The following PHC3 variants were observed in gnomAD, a reference collection of about 807,000 sequenced individuals.
The protein encoded by PHC3 is polyhomeotic-like protein 3.
Under a neutral mutation model 107.4 loss-of-function variants are expected in PHC3, and 13 were observed. That is an observed-to-expected ratio of 0.12 (90% CI 0.08 to 0.19). The LOEUF (loss-of-function observed/expected upper bound fraction) is 0.19. Ranked by LOEUF, PHC3 falls within the 10% of genes least tolerant of loss-of-function variation. The probability of loss-of-function intolerance (pLI) is 1.00; values close to 1 mark genes in which losing one functional copy is unlikely to be tolerated. For synonymous variants in PHC3, 456 were observed against 427.4 expected (o/e 1.07, Z -0.83); for missense variants, 992 against 1,210.9 (o/e 0.82, Z 2.68).
rs1402761850 is a variant in PHC3, at chr3:170,097,683, A to C, written c.2834-299T>G. 6.6e-6 allele frequency among the ~76,000 whole-genome samples: 1 copy of C among 152,220 alleles called. No homozygotes were observed. The highest frequency in any genetic ancestry group is 1.5e-5 in the Non-Finnish European group (1 of 68,038). ...ATATAATACTTCCTTCACAAAAAGG[A>C]CTATGGTGTTACCTCAAAGCATGCC... On this transcript the variant is annotated intron_variant, in intron 14 of 14. Coordinates refer to ENST00000495893, the MANE Select transcript of PHC3 (RefSeq NM_024947.4). This position sits in a 1 kb window ranked among gnomAD's most constrained non-coding sequence, Gnocchi z 4.1.
chr3:170,115,020 T>C (rs1718626584), intron 10 of PHC3, among the ~76,000 whole-genome samples: 1 of 152,000 alleles, frequency 6.6e-6, no homozygotes, highest in Admixed American at 6.6e-5. Context: ...ATTTAAATCA[T>C]TTTCCAAAAA....
intron 3 of PHC3, among the ~76,000 whole-genome samples, 167 bp from the exon 4 acceptor site, chr3:170,171,617 A>G (rs1392273898): frequency 6.6e-6 from 1 of 152,250 alleles, no homozygotes; most frequent in African/African-American, 2.4e-5. Flanking sequence ...GATTTTTTAA[A>G]TAAGGAAAAG....
chr3:170,103,484 C>T (rs1404764813), intron 12 of PHC3, among the ~76,000 whole-genome samples: 1 of 152,164 alleles, frequency 6.6e-6, no homozygotes, highest in African/African-American at 2.4e-5. Context: ...TCATTGCTCT[C>T]ACTATTCAGA....
Position 170,093,725 on chromosome 3 carries a change from CTTGTAT to C in PHC3, c.*3499_*3504del, listed in dbSNP as rs1274905200. 3 of 152,080 alleles carry C rather than the reference CTTGTAT, an allele frequency of 2.0e-5. No homozygotes were observed. The highest frequency in any genetic ancestry group is 4.4e-5 in the Non-Finnish European group (3 of 68,004). 9.4% of individuals were successfully genotyped at this position (152,080 alleles called of 1,614,324 possible). On this transcript the variant is annotated 3_prime_UTR_variant, in exon 15 of 15. Transcript: ENST00000495893. ...TAACACATTTCAATTCAATCTAAGA[CTTGTAT>C]TTGTGAATAGATGTCTCATTATAAT...
chr3:170,151,962 T>A (rs1424772487), intron 4 of PHC3, among the ~76,000 whole-genome samples: 2 of 152,178 alleles, frequency 1.3e-5, no homozygotes, highest in East Asian at 3.8e-4. Context: ...CAACTTCCTA[T>A]GATTTATAGG....
intron 7 of PHC3, among the ~76,000 whole-genome samples, chr3:170,134,729 G>T (rs920341701): frequency 5.9e-5 from 9 of 152,106 alleles, no homozygotes; most frequent in Admixed American, 1.3e-4. Context: ...ATGAAAAGAT[G>T]AATCCAAAAA....
At chr3:170,128,394 G>T (rs1560062592) in intron 8 of PHC3, 2 of 1,334,772 alleles carry the variant, frequency 1.5e-6, no homozygotes, top group African/African-American at 1.5e-5. Context: ...TTCCCTTGGG[G>T]AAAAAAAATC....
At position 170,171,462 on chromosome 3, in the gene PHC3, A is replaced by C. The variant is rs769067013; in HGVS notation, c.337-12T>G. 7 of 1,562,110 alleles carry C rather than the reference A, an allele frequency of 4.5e-6. No homozygotes were observed. The highest frequency in any genetic ancestry group is 6.1e-6 in the Non-Finnish European group (7 of 1,153,610). ...CTGGACAAACTTGCCTAAAATAGTA[A>C]GACTTTTAGAATATGTCGGTAAAAA... On this transcript the variant is annotated splice_polypyrimidine_tract_variant and intron_variant, in intron 3 of 14. Coordinates refer to ENST00000495893, the MANE Select transcript of PHC3 (RefSeq NM_024947.4).
At chr3:170,100,250 T>C (rs1715254412) in intron 14 of PHC3, among the ~76,000 whole-genome samples, 1 of 152,134 alleles carries the variant, frequency 6.6e-6, no homozygotes, top group African/African-American at 2.4e-5. Flanking sequence ...GTTCATCCTA[T>C]GAGAAAAGCT....
chr3:170,159,993 T>C (rs1365990377), intron 4 of PHC3, among the ~76,000 whole-genome samples: 2 of 152,206 alleles, frequency 1.3e-5, no homozygotes, highest in Non-Finnish European at 2.9e-5. Context: ...TAAAAGAAAG[T>C]TATAAGATAC....
In PHC3 at chr3:170,097,249, T is replaced by G; in HGVS notation, c.2969A>C (p.Asn990Thr). ...TTCCTGTTAAGATTCCTTCAGAGAG[T>G]TGATGCGTGCACAGATCTTCAGGGC... ...GPALKICARINSLKES is the reference protein window; with the variant it reads ...GPALKICARITSLKES The change falls in exon 15 of 15, where the codon AAC becomes ACC. Residue 990 changes from asparagine (N) to threonine (T), a missense_variant. This residue lies in a region of PHC3 where 21 missense variants were observed against 52.5 expected (regional missense o/e 0.40). Transcript: ENST00000495893. The surrounding 1 kb of genome is among the most constrained non-coding windows in gnomAD (Gnocchi z 4.1). The G allele has an allele frequency of 6.2e-7, 1 of 1,608,218 alleles. No homozygotes were observed. Among genetic ancestry groups the G allele is most frequent in the Non-Finnish European group, 8.5e-7 (1 of 1,176,180 alleles).
intron 9 of PHC3, among the ~76,000 whole-genome samples, chr3:170,118,029 T>C (rs1358935381): frequency 6.6e-6 from 1 of 151,950 alleles, no homozygotes; most frequent in Non-Finnish European, 1.5e-5. Flanking sequence ...AAAAGCAAAA[T>C]TGTTCCCATG....
chr3:170,139,309 A>G (rs918635561), intron 6 of PHC3, among the ~76,000 whole-genome samples: 1 of 152,196 alleles, frequency 6.6e-6, no homozygotes, highest in African/African-American at 2.4e-5. Flanking sequence ...TCGTGTTCTT[A>G]GGCTAACATT....
intron 2 of PHC3, among the ~76,000 whole-genome samples, chr3:170,173,193 CA>C (rs571535390): frequency 6.4e-4 from 75 of 117,692 alleles, no homozygotes; most frequent in Non-Finnish European, 7.6e-4. Flanking sequence ...ACTCCCATCT[CA>C]AAAAAAAAAA....
intron 4 of PHC3, among the ~76,000 whole-genome samples, chr3:170,154,141 T>C (rs904356942): frequency 2.6e-5 from 4 of 152,214 alleles, no homozygotes; most frequent in African/African-American, 9.6e-5. Context: ...ATAATTTCTT[T>C]AAGGGTGGGG....
intron 4 of PHC3, chr3:170,169,694 CACAT>C (rs1376402483): frequency 6.6e-6 from 1 of 152,112 alleles, no homozygotes; most frequent in Non-Finnish European, 1.5e-5. Context: ...CTGTGAATGT[CACAT>C]ACATAAAGCC....
intron 4 of PHC3, among the ~76,000 whole-genome samples, chr3:170,156,846 C>T (rs57150274): frequency 0.096 from 14,667 of 152,108 alleles, 882 homozygotes; most frequent in Middle Eastern, 0.16. Context: ...CCACGCACCT[C>T]GGCCTCCCAA....
At chr3:170,114,228 C>T (rs1215171550) in intron 10 of PHC3, among the ~76,000 whole-genome samples, 2 of 152,090 alleles carry the variant, frequency 1.3e-5, no homozygotes, top group African/African-American at 4.8e-5. Context: ...AGGCTGATCT[C>T]GAACTCCCAA....
intron 12 of PHC3, among the ~76,000 whole-genome samples, chr3:170,106,567 T>A (rs1010481338): frequency 6.6e-6 from 1 of 152,174 alleles, no homozygotes; most frequent in Admixed American, 6.5e-5. Context: ...AGATTACTAC[T>A]TTAATATTAG....
Sources: allele counts gnomAD v4.1 joint callset (sites outside exome capture counted in the v4.1 genomes callset), GRCh38; gene constraint gnomAD v4.1.1; regional missense constraint gnomAD v4.1.1; non-coding constraint Gnocchi (gnomAD v3.1); transcripts MANE v1.5; gene names NCBI Gene and HGNC (gene_info 2026-07-23, HGNC 2026-07-21).